Variants in PEAK1 observed in about 807,000 individuals in gnomAD.
PEAK1 encodes the protein pseudopodium enriched atypical kinase 1.
In PEAK1, 54 loss-of-function variants were observed where a neutral mutation model predicts 124.7. That is an observed-to-expected ratio of 0.43 (90% CI 0.35 to 0.54). The LOEUF (loss-of-function observed/expected upper bound fraction) is 0.54. Ranked by LOEUF, PEAK1 falls within the 20% of genes least tolerant of loss-of-function variation. PEAK1 has a pLI of 0.01. For synonymous variants in PEAK1, 719 were observed against 760.0 expected (o/e 0.95, Z 0.89); for missense variants, 2,046 against 2,134.5 (o/e 0.96, Z 0.82).
chr15:77,318,683 T>C (rs1407981241), intron 2 of PEAK1, among the ~76,000 whole-genome samples: 1 of 151,804 alleles, frequency 6.6e-6, no homozygotes, highest in Non-Finnish European at 1.5e-5. Context: ...ACTTATAAAA[T>C]ATAATTTATA....
chr15:77,313,648 A>ATGTGTGTGTGTGTGTGTGTGTG (rs1220086755), intron 2 of PEAK1, among the ~76,000 whole-genome samples: 6 of 87,604 alleles, frequency 6.8e-5, no homozygotes, highest in Admixed American at 1.2e-4. Flanking sequence ...GTATGTATGT[A>ATGTGTGTGTGTGTGTGTGTGTG]TGTATGTGTG....
intron 9 of PEAK1, among the ~76,000 whole-genome samples, chr15:77,128,984 C>T (rs577186853): frequency 2.6e-5 from 4 of 152,198 alleles, no homozygotes; most frequent in Non-Finnish European, 5.9e-5. Context: ...TTCCCCACCA[C>T]CAACTCATAT....
chr15:77,131,815 T>A (rs1033975664), intron 9 of PEAK1, among the ~76,000 whole-genome samples: 17 of 151,668 alleles, frequency 1.1e-4, no homozygotes, highest in African/African-American at 4.1e-4. Flanking sequence ...TGATGGCTCA[T>A]GCCTGTAATC....
intron 2 of PEAK1, chr15:77,355,623 G>T: frequency 3.0e-6 from 1 of 327,940 alleles, no homozygotes; most frequent in Non-Finnish European, 4.4e-6. Context: ...GCTGCAGCCA[G>T]CTCACACCTC....
intron 9 of PEAK1, among the ~76,000 whole-genome samples, chr15:77,117,232 T>TA (rs2051471045): frequency 6.6e-6 from 1 of 152,182 alleles, no homozygotes; most frequent in South Asian, 2.1e-4. Context: ...TGTTACATTA[T>TA]AAAAAATGAC....
chr15:77,265,578 A>T (rs2061678387), intron 5 of PEAK1, among the ~76,000 whole-genome samples: 1 of 152,202 alleles, frequency 6.6e-6, no homozygotes, highest in Admixed American at 6.6e-5. Flanking sequence ...ACCAGTTAGA[A>T]TGGCGATCAT....
chr15:77,184,002 AT>A (rs200033766), intron 6 of PEAK1, among the ~76,000 whole-genome samples: 3 of 150,970 alleles, frequency 2.0e-5, no homozygotes, highest in African/African-American at 7.3e-5. Context: ...TAATTTTTCT[AT>A]TTTTTTTATA....
At chr15:77,222,178 G>A (rs960865894) in intron 6 of PEAK1, among the ~76,000 whole-genome samples, 1 of 151,892 alleles carries the variant, frequency 6.6e-6, no homozygotes, top group Non-Finnish European at 1.5e-5. Context: ...TTTAAAACAT[G>A]AAGTAGAAAC....
At chr15:77,122,074 C>T (rs1021253081) in intron 9 of PEAK1, among the ~76,000 whole-genome samples, 1 of 152,136 alleles carries the variant, frequency 6.6e-6, no homozygotes, top group African/African-American at 2.4e-5. Context: ...CTTGCTGCTA[C>T]AGAGCTAAGA....
chr15:77,400,229 A>G (rs2071251378), intron 1 of PEAK1, among the ~76,000 whole-genome samples: 1 of 152,120 alleles, frequency 6.6e-6, no homozygotes, highest in Non-Finnish European at 1.5e-5. Context: ...AATTAGTACG[A>G]TCACTATGGA....
At chr15:77,304,200 G>A (rs1215387776) in intron 2 of PEAK1, among the ~76,000 whole-genome samples, 1 of 152,092 alleles carries the variant, frequency 6.6e-6, no homozygotes, top group Non-Finnish European at 1.5e-5. Context: ...GAATCAGTTT[G>A]TTGACGTCTA....
exon 7 of PEAK1, chr15:77,102,788 C>T (rs1359383870): frequency 2.0e-5 from 3 of 152,048 alleles, no homozygotes; most frequent in Non-Finnish European, 4.4e-5. Context: ...ATAGCTTTTT[C>T]ATATGCTCAA....
At position 77,108,656 on chromosome 15, in the gene PEAK1, C is replaced by T. The variant is rs966349897; in HGVS notation, c.*5500G>A. 2 of 152,216 alleles carry T rather than the reference C, an allele frequency of 1.3e-5. No homozygotes were observed. Among genetic ancestry groups the T allele is most frequent in the Non-Finnish European group, 1.5e-5 (1 of 68,048 alleles). 9.4% of individuals were successfully genotyped at this position (152,216 alleles called of 1,614,324 possible). ...TCAAGTTATCATGAGTGCGGACACA[C>T]ACATACTATCCACACACTAACGGGC... On this transcript the variant is annotated 3_prime_UTR_variant, in exon 10 of 10. Coordinates refer to ENST00000682557, the MANE Select transcript of PEAK1 (RefSeq NM_001385026.1).
intron 1 of PEAK1, among the ~76,000 whole-genome samples, chr15:77,389,830 A>G (rs1018992654): frequency 1.1e-4 from 17 of 152,154 alleles, no homozygotes; most frequent in Non-Finnish European, 1.8e-4. Context: ...CTTGACTGCA[A>G]TTGGAAGGTT....
At chr15:77,227,440 A>G (rs2059728842) in intron 6 of PEAK1, among the ~76,000 whole-genome samples, 2 of 152,160 alleles carry the variant, frequency 1.3e-5, no homozygotes, top group Non-Finnish European at 2.9e-5. Flanking sequence ...GGAAAAGTAG[A>G]AGTAAGAGCA....
In PEAK1 at chr15:77,180,170, T is replaced by A; in HGVS notation, c.1757A>T (p.Lys586Met). Residue 586 changes from lysine to methionine, a missense_variant, in exon 7 of 10, where the codon AAG becomes ATG. By Grantham distance (95) the Lys-to-Met change is moderately conservative. Transcript: ENST00000682557. The part of the protein sequence containing the change: ...TNISSKTIPV[K>M]SPNLSEIKFN... Reference sequence around the variant, plus strand: ...TTTAATTTCAGACAAATTAGGTGACTTAACAGGGATGGTTTTGGAGGAAAT... The same window carrying A: ...TTTAATTTCAGACAAATTAGGTGACATAACAGGGATGGTTTTGGAGGAAAT... 6.2e-7 allele frequency: 1 copy of A among 1,614,112 alleles called. No homozygotes were observed. The highest frequency in any genetic ancestry group is 8.5e-7 in the Non-Finnish European group (1 of 1,179,954).
chr15:77,243,861 G>C (rs934231495), intron 6 of PEAK1, among the ~76,000 whole-genome samples: 1 of 152,094 alleles, frequency 6.6e-6, no homozygotes, highest in Non-Finnish European at 1.5e-5. Context: ...CCTGCTACTC[G>C]GGAGGCTGAG....
At chr15:77,407,900 T>TAC (rs1317453993) in intron 1 of PEAK1, among the ~76,000 whole-genome samples, 45 of 126,066 alleles carry the variant, frequency 3.6e-4, no homozygotes, top group East Asian at 1.5e-3. Context: ...TATATATATA[T>TAC]ACACATATAT....
chr15:77,199,212 A>G (rs2058247760), intron 6 of PEAK1, among the ~76,000 whole-genome samples: 1 of 152,222 alleles, frequency 6.6e-6, no homozygotes, highest in South Asian at 2.1e-4. Flanking sequence ...GGTTCCATCA[A>G]TGCTTTGTTC....
Sources: allele counts gnomAD v4.1 joint callset (sites outside exome capture counted in the v4.1 genomes callset), GRCh38; gene constraint gnomAD v4.1.1; transcripts MANE v1.5; gene names NCBI Gene and HGNC (gene_info 2026-07-23, HGNC 2026-07-21).